The following ZNF267 variants were observed in gnomAD, a reference collection of about 807,000 sequenced individuals.
ZNF267 encodes zinc finger (C2H2).
In ZNF267, 61 loss-of-function variants were observed where a neutral mutation model predicts 71.6. The observed-to-expected ratio is 0.85, with a 90% CI of 0.69 to 1.05. The LOEUF (loss-of-function observed/expected upper bound fraction) is 1.05. ZNF267 is among the 50% of genes least tolerant of loss of function. The pLI is 0.00. For missense variants in ZNF267, 852 were observed against 870.0 expected, an observed-to-expected ratio of 0.98 and a Z score of 0.26; for synonymous variants, 288 against 293.2, an observed-to-expected ratio of 0.98 and a Z score of 0.18.
rs750818079 is a variant in ZNF267, at chr16:31,914,473, C to T, written c.227-3C>T. 1 of 1,558,866 alleles carries T rather than the reference C, an allele frequency of 6.4e-7. No homozygotes were observed. The highest frequency in any genetic ancestry group is 8.6e-7 in the Non-Finnish European group (1 of 1,157,210). ...GAATTCTTAAAATTTTTATATCTTT[C>T]AGATGTGTTTTCGCATTATAACAAG... On this transcript the variant is annotated splice_polypyrimidine_tract_variant and splice_region_variant and intron_variant, in intron 3 of 3. Transcript: ENST00000300870.
At chr16:31,894,921 A>G in intron 3 of ZNF267, 1 of 363,204 alleles carries the variant, frequency 2.8e-6, no homozygotes, top group South Asian at 2.7e-5. Flanking sequence ...GGTTAGTGCC[A>G]GCATTTCTGG....
Position 31,881,670 on chromosome 16 carries a change from C to CTT in ZNF267, c.4-2809_4-2808dup, listed in dbSNP as rs747627467. ...ATAATGAGAAATTCTTTTTCTTCTTCTTTTTTTTTTTTTTTTTTTTGAGAC... is the reference window on the plus strand; with the variant it reads ...ATAATGAGAAATTCTTTTTCTTCTTCTTTTTTTTTTTTTTTTTTTTTTGAGAC... On this transcript the variant is annotated intron_variant, in intron 1 of 3. Coordinates refer to ENST00000300870, the MANE Select transcript of ZNF267 (RefSeq NM_003414.6). 7.7e-4 allele frequency among the ~76,000 whole-genome samples: 97 copies of CTT among 125,490 alleles called. 1 individual carries two copies. The highest frequency in any genetic ancestry group is 1.5e-3 in the African/African-American group (49 of 32,676). The allele number at this position is 125,490 out of a possible 152,430, so 82.3% of individuals were successfully genotyped here. A position where few individuals can be genotyped will look rare whatever the true frequency, so the allele number is the denominator to read the frequency against.
intron 3 of ZNF267, among the ~76,000 whole-genome samples, chr16:31,900,559 C>T (rs994262271): frequency 6.6e-6 from 1 of 152,200 alleles, no homozygotes; most frequent in Admixed American, 6.5e-5. Context: ...ATTCTCCTGC[C>T]TCAGCCTCTT....
Position 31,914,869 on chromosome 16 carries a change from G to T in ZNF267, c.620G>T (p.Arg207Leu). ...CAGGTCTCTACTCTAAATAGTTACC[G>T]AAATGTTTTTATTGGAGAGAAAAAT... ...FRQVSTLNSY[R>L]NVFIGEKNYH... is the part of the protein sequence containing the mutation. Residue 207 changes from arginine (R) to leucine (L), a missense_variant, in exon 4 of 4, where the codon CGA (arginine) becomes CTA (leucine). Transcript: ENST00000300870. The T allele has an allele frequency of 6.2e-7, 1 of 1,611,644 alleles. No homozygotes were observed. The highest frequency in any genetic ancestry group is 8.5e-7 in the Non-Finnish European group (1 of 1,179,400).
intron 3 of ZNF267, among the ~76,000 whole-genome samples, chr16:31,900,960 C>A (rs2084036212): frequency 6.6e-6 from 1 of 151,992 alleles, no homozygotes; most frequent in South Asian, 2.1e-4. Flanking sequence ...CTCCCCCCAC[C>A]CCACAACGGG....
chr16:31,894,192 C>T (rs2083980333), intron 3 of ZNF267, among the ~76,000 whole-genome samples: 1 of 152,222 alleles, frequency 6.6e-6, no homozygotes, highest in Non-Finnish European at 1.5e-5. Context: ...ATTTGGAGTT[C>T]ATTTCTTCAA....
At chr16:31,901,169 A>T (rs1319818360) in intron 3 of ZNF267, among the ~76,000 whole-genome samples, 1 of 152,006 alleles carries the variant, frequency 6.6e-6, no homozygotes. Context: ...CATGGTGTAT[A>T]TGTGCCACAT....
chr16:31,897,762 A>C (rs1031267480), intron 3 of ZNF267, among the ~76,000 whole-genome samples: 1 of 152,162 alleles, frequency 6.6e-6, no homozygotes, highest in Admixed American at 6.5e-5. Flanking sequence ...TAATTTCTAC[A>C]TATTTGTAGA....
At chr16:31,892,153 T>C (rs541014557) in intron 3 of ZNF267, among the ~76,000 whole-genome samples, 1 of 152,234 alleles carries the variant, frequency 6.6e-6, no homozygotes, top group African/African-American at 2.4e-5. Flanking sequence ...TCCACGTGGC[T>C]GGGGAGGCCT....
intron 3 of ZNF267, among the ~76,000 whole-genome samples, chr16:31,897,102 C>T (rs2084004840): frequency 6.7e-6 from 1 of 148,762 alleles, no homozygotes; most frequent in African/African-American, 2.5e-5. Context: ...AAAGATCTTA[C>T]ATTTACAAAA....
intron 2 of ZNF267, 122 bp downstream of exon 2, chr16:31,884,746 T>A: frequency 9.3e-7 from 1 of 1,077,962 alleles, no homozygotes. Context: ...AGGAAAAAAA[T>A]AGGGGTTTTG....
chr16:31,895,503 G>A (rs546788819), intron 3 of ZNF267, among the ~76,000 whole-genome samples: 6 of 152,240 alleles, frequency 3.9e-5, no homozygotes, highest in South Asian at 4.1e-4. Flanking sequence ...TTGCTGGATC[G>A]TATGGTACCT....
chr16:31,908,679 T>C (rs2084110954), intron 3 of ZNF267, among the ~76,000 whole-genome samples: 1 of 152,320 alleles, frequency 6.6e-6, no homozygotes, highest in African/African-American at 2.4e-5. Context: ...AAAACTGTCC[T>C]TTCTCTAGTG....
At chr16:31,901,299 C>A (rs1392541164) in intron 3 of ZNF267, among the ~76,000 whole-genome samples, 2 of 152,012 alleles carry the variant, frequency 1.3e-5, no homozygotes, top group Non-Finnish European at 2.9e-5. Context: ...GATTTATAAT[C>A]CTTTGGGTAT....
intron 3 of ZNF267, among the ~76,000 whole-genome samples, chr16:31,896,201 C>G (rs949654734): frequency 1.1e-4 from 17 of 151,956 alleles, no homozygotes; most frequent in Admixed American, 2.0e-4. Flanking sequence ...TTTTTAGGGA[C>G]AGGATCTCAC....
At chr16:31,884,970 C>T (rs2083913800) in intron 2 of ZNF267, among the ~76,000 whole-genome samples, 191 bp from the exon 3 acceptor site, 1 of 152,090 alleles carries the variant, frequency 6.6e-6, no homozygotes, top group Non-Finnish European at 1.5e-5. Flanking sequence ...CCTAAATATT[C>T]TAAAGAAGCT....
intron 3 of ZNF267, among the ~76,000 whole-genome samples, chr16:31,900,765 T>TTG (rs974342058): frequency 2.0e-5 from 3 of 149,374 alleles, no homozygotes; most frequent in Admixed American, 6.7e-5. Context: ...TTCTTTTTTT[T>TTG]TTTTTTTTTA....
chr16:31,906,473 A>G (rs928087546), intron 3 of ZNF267, among the ~76,000 whole-genome samples: 3 of 152,142 alleles, frequency 2.0e-5, no homozygotes, highest in Admixed American at 6.5e-5. Flanking sequence ...AGCCTGGGCA[A>G]TGGTGGGCAC....
intron 3 of ZNF267, among the ~76,000 whole-genome samples, chr16:31,885,466 G>C (rs910581313): frequency 6.6e-6 from 1 of 152,150 alleles, no homozygotes; most frequent in Non-Finnish European, 1.5e-5. Flanking sequence ...TCTGTGATCC[G>C]CCATCATATT....
Sources: allele counts gnomAD v4.1 joint callset (sites outside exome capture counted in the v4.1 genomes callset), GRCh38; gene constraint gnomAD v4.1.1; transcripts MANE v1.5; gene names NCBI Gene and HGNC (gene_info 2026-07-23, HGNC 2026-07-21).